STKLD1: variants seen among roughly 807,000 people sequenced by gnomAD.
The protein encoded by STKLD1 is serine/threonine kinase-like domain-containing protein STKLD1.
A neutral mutation model predicts 80.4 loss-of-function variants in STKLD1; 79 were observed. The ratio of observed to expected loss-of-function variants is 0.98; its 90% confidence interval spans 0.82 to 1.19. The LOEUF (loss-of-function observed/expected upper bound fraction) is 1.19. Ranked by LOEUF, STKLD1 falls within the 50% of genes most tolerant of loss-of-function variation. The probability of loss-of-function intolerance (pLI) is 0.00; values close to 1 mark genes in which losing one functional copy is unlikely to be tolerated. For missense variants in STKLD1, 841 were observed against 856.0 expected (o/e 0.98, Z 0.22); for synonymous variants, 393 against 357.6 (o/e 1.10, Z -1.12).
intron 1 of STKLD1, among the ~76,000 whole-genome samples, chr9:133,376,861 G>A: frequency 6.6e-6 from 1 of 152,198 alleles, no homozygotes. Flanking sequence ...GTCCACCGAG[G>A]CAGGACCCCC....
At chr9:133,380,288 G>T (rs1318520226) in intron 2 of STKLD1, among the ~76,000 whole-genome samples, 1 of 151,296 alleles carries the variant, frequency 6.6e-6, no homozygotes, top group Non-Finnish European at 1.5e-5. Context: ...CAGGCAGTCC[G>T]CCCGCCTCGG....
Position 133,400,459 on chromosome 9 carries a change from G to A in STKLD1, c.1128G>A (p.Met376Ile). The A allele has an allele frequency of 6.2e-7, 1 of 1,613,454 alleles. No individual in the cohort carries two copies. The highest frequency in any genetic ancestry group is 1.7e-5 in the Admixed American group (1 of 60,030). The change falls in exon 12 of 18, where the codon ATG (methionine) becomes ATA (isoleucine). Residue 376 changes from methionine (M) to isoleucine (I), a missense_variant. Transcript: ENST00000371957. ...PELVEVVVTT[M>I]ELHDRVLDVQ... is the part of the protein sequence containing the mutation. ...TGGTGGAGGTGGTGGTCACGACCAT[G>A]GAGCTACATGACAGGGTCCTCGATG...
At chr9:133,397,064 C>A in intron 9 of STKLD1, 100 bp from the exon 10 acceptor site, 1 of 1,541,658 alleles carries the variant, frequency 6.5e-7, no homozygotes. Context: ...CCAGTGTCCG[C>A]ACCAATGGGC....
intron 2 of STKLD1, among the ~76,000 whole-genome samples, 156 bp downstream of exon 2, chr9:133,379,278 G>T (rs1423557360): frequency 6.6e-6 from 1 of 152,140 alleles, no homozygotes; most frequent in African/African-American, 2.4e-5. Flanking sequence ...GGGTAGATGT[G>T]GGGGTGCGTG....
At chr9:133,396,193 G>A (rs1588750857) in intron 9 of STKLD1, 1 of 158,610 alleles carries the variant, frequency 6.3e-6, no homozygotes, top group South Asian at 1.8e-4. Flanking sequence ...AGCACTTTGG[G>A]GGGCTGAGGC....
intron 7 of STKLD1, among the ~76,000 whole-genome samples, chr9:133,393,263 G>A (rs1838459724): frequency 6.9e-6 from 1 of 143,914 alleles, no homozygotes; most frequent in Non-Finnish European, 1.5e-5. Context: ...TAGGTAAGTG[G>A]ATGGGTGGGC....
At chr9:133,380,336 C>G (rs587691159) in intron 2 of STKLD1, among the ~76,000 whole-genome samples, 1 of 152,094 alleles carries the variant, frequency 6.6e-6, no homozygotes, top group African/African-American at 2.4e-5. Flanking sequence ...TGAGCCACCG[C>G]GTCCGGCCTG....
chr9:133,382,151 G>A (rs1231418545), intron 2 of STKLD1, among the ~76,000 whole-genome samples: 2 of 152,174 alleles, frequency 1.3e-5, no homozygotes, highest in African/African-American at 2.4e-5. Flanking sequence ...GGAGAGAAGA[G>A]CACTGTACAT....
Position 133,403,726 on chromosome 9 carries a change from G to A in STKLD1, c.1501G>A (p.Glu501Lys), listed in dbSNP as rs781834078. 6.2e-7 allele frequency: 1 copy of A among 1,613,776 alleles called. No individual in the cohort carries two copies. Among genetic ancestry groups the A allele is most frequent in the Non-Finnish European group, 8.5e-7 (1 of 1,179,894 alleles). Residue 501 changes from glutamate to lysine, a missense_variant, in exon 15 of 18, where the codon GAG becomes AAG. Transcript: ENST00000371957. Reference sequence around the variant, plus strand: ...TATCATTGTGAACAAGGCCCCCTTGGAGAAGGTCCCGGACCTCATCAGCCA... The same window carrying A: ...TATCATTGTGAACAAGGCCCCCTTGAAGAAGGTCCCGGACCTCATCAGCCA... ...DGIIVNKAPL[E>K]KVPDLISQVL...
rs1458605430 is a variant in STKLD1, at chr9:133,390,780, T to C, written c.567T>C (p.Asn189=). The C allele has an allele frequency of 1.2e-6, 2 of 1,613,480 alleles. No homozygotes were observed. Among genetic ancestry groups the C allele is most frequent in the Non-Finnish European group, 1.7e-6 (2 of 1,179,836 alleles). The change falls in exon 7 of 18, where the codon AAT becomes AAC. Residue 189 remains asparagine (N), a synonymous_variant. Coordinates refer to ENST00000371957, the MANE Select transcript of STKLD1 (RefSeq NM_153710.5). The surrounding 1 kb of genome is among the most constrained non-coding windows in gnomAD (Gnocchi z 5.1). The stretch of plus-strand genomic sequence containing the variant: ...TAATGACAGACAAAGCCAAATGGAA[T>C]ATTCGTGCGGAGGAAGGTGGCAGGG... ...NVLMTDKAKW[N]IRAEEDPFRK... is the part of the protein sequence containing the mutation.
intron 7 of STKLD1, among the ~76,000 whole-genome samples, chr9:133,393,706 G>A (rs952189613): frequency 2.0e-5 from 3 of 151,900 alleles, no homozygotes; most frequent in African/African-American, 4.8e-5. Context: ...GTGGACAGAC[G>A]GGCAGATGGT....
At chr9:133,383,808 G>A in intron 2 of STKLD1, 48 bp from the exon 3 acceptor site, 1 of 1,590,442 alleles carries the variant, frequency 6.3e-7, no homozygotes, top group African/African-American at 1.3e-5. Flanking sequence ...TGATAACGGA[G>A]ATGATTTGCT....
intron 7 of STKLD1, among the ~76,000 whole-genome samples, chr9:133,391,948 G>C (rs997788082): frequency 6.6e-6 from 1 of 152,098 alleles, no homozygotes; most frequent in Non-Finnish European, 1.5e-5. Context: ...AGATGAAGGG[G>C]TGGGTGGCAA....
At chr9:133,401,663 CTGTGAGCCTTG>C in intron 12 of STKLD1, 64 bp from the exon 13 acceptor site, 2 of 1,519,684 alleles carry the variant, frequency 1.3e-6, no homozygotes, top group Non-Finnish European at 1.8e-6. Context: ...ATCCCCCAGC[CTGTGAGCCTTG>C]TGTGTCTGGC....
chr9:133,403,736 C>T lies in STKLD1; in HGVS notation c.1511C>T (p.Pro504Leu), dbSNP rs147923253. 313 of 1,613,660 alleles carry T rather than the reference C, an allele frequency of 1.9e-4. No homozygotes were observed. Among genetic ancestry groups the T allele is most frequent in the Non-Finnish European group, 1.9e-4 (219 of 1,179,948 alleles). Residue 504 changes from proline to leucine, a missense_variant, in exon 15 of 18, where the codon CCG becomes CTG. Coordinates refer to ENST00000371957, the MANE Select transcript of STKLD1 (RefSeq NM_153710.5). The stretch of plus-strand genomic sequence containing the variant: ...AACAAGGCCCCCTTGGAGAAGGTCC[C>T]GGACCTCATCAGCCAGGTGTTGGCC... Reference protein sequence around the residue: ...IVNKAPLEKVPDLISQVLATY... With the variant: ...IVNKAPLEKVLDLISQVLATY...
At position 133,384,123 on chromosome 9, in the gene STKLD1, A is replaced by G. The variant is rs1047573533; in HGVS notation, c.219+223A>G. 5.4e-6 allele frequency: 3 copies of G among 559,332 alleles called. No individual in the cohort carries two copies. The highest frequency in any genetic ancestry group is 3.0e-5 in the East Asian group (1 of 33,470). The allele number at this position is 559,332 out of a possible 1,614,324, so 34.6% of individuals were successfully genotyped here. The stretch of plus-strand genomic sequence containing the variant: ...AATGCAGGTGCCGACAACTTAGAAC[A>G]TATGTTCCCAGAGAACATAAAATTT... On this transcript the variant is annotated intron_variant, in intron 3 of 17. Transcript: ENST00000371957. This position sits in a 1 kb window ranked among gnomAD's most constrained non-coding sequence, Gnocchi z 4.3.
In STKLD1 at chr9:133,397,996, G is replaced by A. The variant is rs1554776993; in HGVS notation, c.1022G>A (p.Trp341Ter). 9.3e-6 allele frequency: 15 copies of A among 1,613,550 alleles called. No individual in the cohort carries two copies. Among genetic ancestry groups the A allele is most frequent in the Non-Finnish European group, 1.1e-5 (13 of 1,179,864 alleles). The change falls in exon 11 of 18, where the codon TGG becomes TAG. Residue 341 changes from tryptophan to a stop codon, truncating the protein, a stop_gained. Transcript: ENST00000371957. LOFTEE classifies it high-confidence loss of function. ...ILEVMQKFSGWPEVQLRAMKR... is the reference protein window; with the variant it reads ...ILEVMQKFSG ...GAGGTCATGCAGAAATTCTCTGGCT[G>A]GCCCGAAGTCCAGCTCAGGGCCATG...
In STKLD1 at chr9:133,404,853, G is replaced by C; in HGVS notation, c.1797G>C (p.Glu599Asp). The change falls in exon 17 of 18, where the codon GAG becomes GAC. Residue 599 changes from glutamate (E) to aspartate (D), a missense_variant. Physicochemically the swap from Glu to Asp is conservative, Grantham distance 45. Transcript: ENST00000371957. ...EGGSGLSLIK[E>D]TYQLHRDDPE... is the part of the protein sequence containing the mutation. ...GCAGTGGCCTCAGCCTCATCAAGGA[G>C]ACCTACCAGCTCCACAGGGACGACC... is the stretch of plus-strand genomic sequence containing the variant. The C allele has an allele frequency of 6.2e-7, 1 of 1,613,092 alleles. No homozygotes were observed. Among genetic ancestry groups the C allele is most frequent in the Non-Finnish European group, 8.5e-7 (1 of 1,179,700 alleles).
intron 11 of STKLD1, 32 bp downstream of exon 11, chr9:133,398,087 G>A (rs780698304): frequency 6.3e-7 from 1 of 1,598,242 alleles, no homozygotes; most frequent in East Asian, 2.2e-5. Flanking sequence ...TTTCCCAGCT[G>A]CTCCCCTAGG....
Sources: gnomAD v4.1 joint callset for allele counts (sites outside exome capture counted in the v4.1 genomes callset) on GRCh38, gnomAD v4.1.1 for gene constraint, Gnocchi (gnomAD v3.1) non-coding constraint, MANE v1.5 for transcripts, NCBI Gene and HGNC (gene_info 2026-07-23, HGNC 2026-07-21) for gene names.